KCNS3: variants seen among roughly 807,000 people sequenced by gnomAD.
KCNS3 encodes potassium voltage-gated channel modifier subfamily S member 3, also known as delayed-rectifier potassium channel regulatory subunit KCNS3.
Under a neutral mutation model 31.0 loss-of-function variants are expected in KCNS3, and 13 were observed. That is an observed-to-expected ratio of 0.42 (90% CI 0.27 to 0.67). KCNS3 has a LOEUF of 0.67. KCNS3 is among the 30% of genes least tolerant of loss of function. The pLI, the probability that KCNS3 is intolerant of heterozygous loss-of-function variation, is 0.25. For synonymous variants in KCNS3, 238 were observed against 241.5 expected (o/e 0.99, Z 0.13); for missense variants, 545 against 622.4 (o/e 0.88, Z 1.32).
chr2:17,929,967 G>T (rs1225759155), intron 2 of KCNS3, among the ~76,000 whole-genome samples: 3 of 152,232 alleles, frequency 2.0e-5, no homozygotes, highest in African/African-American at 7.2e-5. Flanking sequence ...CTCAGTATAT[G>T]ACAGTCTCCT....
chr2:17,912,829 A>G (rs1327830008), intron 1 of KCNS3, among the ~76,000 whole-genome samples: 1 of 152,236 alleles, frequency 6.6e-6, no homozygotes, highest in Non-Finnish European at 1.5e-5. Context: ...TTTAGAAAGC[A>G]CTTACTGGTT....
intron 1 of KCNS3, among the ~76,000 whole-genome samples, chr2:17,901,917 A>G (rs1431196917): frequency 2.0e-5 from 3 of 152,206 alleles, no homozygotes; most frequent in African/African-American, 7.2e-5. Flanking sequence ...CTCCTTCAGC[A>G]AGACCGGTGT....
At chr2:17,920,406 G>T (rs1018327886) in intron 2 of KCNS3, among the ~76,000 whole-genome samples, 18 of 152,160 alleles carry the variant, frequency 1.2e-4, no homozygotes, top group African/African-American at 4.3e-4. Flanking sequence ...TATTTTCTTA[G>T]GTGAGTTTGA....
At chr2:17,910,248 G>T (rs1018674234) in intron 1 of KCNS3, among the ~76,000 whole-genome samples, 1 of 152,172 alleles carries the variant, frequency 6.6e-6, no homozygotes, top group South Asian at 2.1e-4. Flanking sequence ...GATATTTTGA[G>T]ATCTCTTCAA....
chr2:17,907,361 G>A lies in KCNS3; in HGVS notation c.-251-10319G>A, dbSNP rs1042314638. Among the ~76,000 whole-genome samples the A allele has an allele frequency of 7.2e-5, 11 of 152,250 alleles. 1 individual carries two copies. Among genetic ancestry groups the A allele is most frequent in the African/African-American group, 2.2e-4 (9 of 41,562 alleles). On this transcript the variant is annotated intron_variant, in intron 1 of 2. Transcript: ENST00000304101. Reference sequence around the variant, plus strand: ...TTTGAGCCTATGTGTGTCTCTGCACGTGAGATGGGTCTCCTGAATACAGCG... The same window carrying A: ...TTTGAGCCTATGTGTGTCTCTGCACATGAGATGGGTCTCCTGAATACAGCG...
chr2:17,883,400 G>A (rs1488917980), intron 1 of KCNS3, among the ~76,000 whole-genome samples: 2 of 150,526 alleles, frequency 1.3e-5, no homozygotes, highest in African/African-American at 4.9e-5. Flanking sequence ...GGGGGTTGGG[G>A]TGGGGTGGGG....
At chr2:17,899,910 T>C in intron 1 of KCNS3, among the ~76,000 whole-genome samples, 1 of 152,178 alleles carries the variant, frequency 6.6e-6, no homozygotes, top group East Asian at 1.9e-4. Flanking sequence ...TTTAGGGAGA[T>C]AAAGCCAAAA....
chr2:17,930,955 G>T lies in KCNS3; in HGVS notation c.-54G>T. 6.4e-7 allele frequency: 1 copy of T among 1,573,524 alleles called. No homozygotes were observed. Among genetic ancestry groups the T allele is most frequent in the Non-Finnish European group, 8.6e-7 (1 of 1,159,132 alleles). On this transcript the variant is annotated 5_prime_UTR_variant, in exon 3 of 3. Transcript: ENST00000304101. ...TCATCTTGTGCTCTTTCCAGGTGCAGCCTGATCTTCCTCTTCTCCCTTGCC... is the reference window on the plus strand; with the variant it reads ...TCATCTTGTGCTCTTTCCAGGTGCATCCTGATCTTCCTCTTCTCCCTTGCC...
chr2:17,927,947 G>A (rs1451717445), intron 2 of KCNS3, among the ~76,000 whole-genome samples: 1 of 152,128 alleles, frequency 6.6e-6, no homozygotes, highest in African/African-American at 2.4e-5. Flanking sequence ...TTGATTTCTT[G>A]TGTCTCCCTA....
At chr2:17,923,150 A>T (rs868602068) in intron 2 of KCNS3, among the ~76,000 whole-genome samples, 2 of 152,100 alleles carry the variant, frequency 1.3e-5, no homozygotes, top group Non-Finnish European at 2.9e-5. Flanking sequence ...TTACTTTTTG[A>T]CTATAGCCAT....
chr2:17,909,473 ACTGT>A (rs1229249984), intron 1 of KCNS3, among the ~76,000 whole-genome samples: 8 of 152,048 alleles, frequency 5.3e-5, no homozygotes, highest in Admixed American at 1.3e-4. Context: ...TCCTGCCCCC[ACTGT>A]CTGACGAGCC....
intron 1 of KCNS3, among the ~76,000 whole-genome samples, chr2:17,917,113 C>A (rs1662608550): frequency 6.6e-6 from 1 of 152,134 alleles, no homozygotes; most frequent in South Asian, 2.1e-4. Flanking sequence ...ATATACATAA[C>A]CACACACATA....
In KCNS3 at chr2:17,910,050, A is replaced by G. The variant is rs116331047; in HGVS notation, c.-251-7630A>G. Among the ~76,000 whole-genome samples the G allele has an allele frequency of 1.7e-3, 256 of 152,364 alleles. 2 individuals are homozygous for G. The highest frequency in any genetic ancestry group is 6.0e-3 in the African/African-American group (251 of 41,584). Reference sequence around the variant, plus strand: ...AGAAACCCTATGGACCCCTTTTCAGAATAGCGTGTTTAAACACAAAAGATG... The same window carrying G: ...AGAAACCCTATGGACCCCTTTTCAGGATAGCGTGTTTAAACACAAAAGATG... On this transcript the variant is annotated intron_variant, in intron 1 of 2. Transcript: ENST00000304101.
At chr2:17,884,256 TAAA>T (rs34385647) in intron 1 of KCNS3, among the ~76,000 whole-genome samples, 1,691 of 86,648 alleles carry the variant, frequency 0.02, 38 homozygotes, top group Admixed American at 0.022. Context: ...AAAGTATAAT[TAAA>T]AAAAAAAAAA....
chr2:17,886,550 G>A (rs1052678368), intron 1 of KCNS3, among the ~76,000 whole-genome samples: 1 of 152,174 alleles, frequency 6.6e-6, no homozygotes, highest in Non-Finnish European at 1.5e-5. Context: ...ATGTTACGAA[G>A]ATGAGATTCA....
chr2:17,900,355 T>C (rs1468212305), intron 1 of KCNS3, among the ~76,000 whole-genome samples: 1 of 151,864 alleles, frequency 6.6e-6, no homozygotes, highest in African/African-American at 2.4e-5. Context: ...GGTTTTGAGG[T>C]AGGGAGAGGT....
Position 17,896,014 on chromosome 2 carries a change from A to G in KCNS3, c.-252+17208A>G, listed in dbSNP as rs527319867. ...TTGAAGATTTACATAGAGTATTGGC[A>G]TATTCTGACCTATGTTTTTATTTCT... On this transcript the variant is annotated intron_variant, in intron 1 of 2. Transcript: ENST00000304101. 2.6e-5 allele frequency among the ~76,000 whole-genome samples: 4 copies of G among 152,250 alleles called. No homozygotes were observed. The South Asian group carries it at 6.2e-4, about 24-fold the overall frequency.
rs1486392381 is a variant in KCNS3 at position 17,921,913 on chromosome 2, GTGTATATATATATATATATATATA to G, written c.-60+4044_-60+4067del. On this transcript the variant is annotated intron_variant, in intron 2 of 2. Transcript: ENST00000304101. The stretch of plus-strand genomic sequence containing the variant: ...GATTTTCATATATATGTGTGTGTGT[GTGTATATATATATATATATATATA>G]TATATATATATATATATATATAAAT... Among the ~76,000 whole-genome samples the G allele has an allele frequency of 8.5e-4, 29 of 34,118 alleles. No homozygotes were observed. The South Asian group carries it at 0.029, about 35-fold the overall frequency. 22.4% of individuals were successfully genotyped at this position (34,118 alleles called of 152,430 possible). A position where few individuals can be genotyped will look rare whatever the true frequency, so the allele number is the denominator to read the frequency against.
In KCNS3 at chr2:17,910,468, G is replaced by C. The variant is rs2125245305; in HGVS notation, c.-251-7212G>C. Among the ~76,000 whole-genome samples, 2 of 152,266 alleles carry C rather than the reference G, an allele frequency of 1.3e-5. 1 individual carries two copies. Among genetic ancestry groups the C allele is most frequent in the South Asian group, 4.1e-4 (2 of 4,822 alleles). On this transcript the variant is annotated intron_variant, in intron 1 of 2. Coordinates refer to ENST00000304101, the MANE Select transcript of KCNS3 (RefSeq NM_002252.5). ...CACAGACCCCCTACTCTAACTCTTA[G>C]GTGAACAGTTTAAATGGAATACAAA...
Sources: allele counts gnomAD v4.1 joint callset (sites outside exome capture counted in the v4.1 genomes callset), GRCh38; gene constraint gnomAD v4.1.1; transcripts MANE v1.5; gene names NCBI Gene and HGNC (gene_info 2026-07-23, HGNC 2026-07-21).